Variants in ADAM12 observed in about 807,000 individuals in gnomAD.
The protein encoded by ADAM12 is disintegrin and metalloproteinase domain-containing protein 12.
Under a neutral mutation model 106.4 loss-of-function variants are expected in ADAM12, and 70 were observed. The ratio of observed to expected loss-of-function variants is 0.66; its 90% CI spans 0.54 to 0.80. The LOEUF (loss-of-function observed/expected upper bound fraction) is 0.80, where lower values mean the gene tolerates loss of function less well. ADAM12 is among the 30% of genes least tolerant of loss of function. The pLI is 0.00. For synonymous variants in ADAM12, 420 were observed against 433.5 expected, an observed-to-expected ratio of 0.97 and a Z score of 0.39; for missense variants, 1,010 against 1,171.9, an observed-to-expected ratio of 0.86 and a Z score of 2.02.
At chr10:126,111,948 T>C (rs901072192) in intron 6 of ADAM12, among the ~76,000 whole-genome samples, 1 of 152,172 alleles carries the variant, frequency 6.6e-6, no homozygotes, top group African/African-American at 2.4e-5. Flanking sequence ...ATTTGTGATA[T>C]GGAGAGCAAC....
chr10:126,260,145 T>A (rs921155461), intron 3 of ADAM12, among the ~76,000 whole-genome samples: 28 of 152,216 alleles, frequency 1.8e-4, no homozygotes, highest in Non-Finnish European at 3.8e-4. Flanking sequence ...ATTACCTACC[T>A]ACCCATGGCT....
chr10:126,078,419 C>T (rs575379378), intron 11 of ADAM12, among the ~76,000 whole-genome samples: 12 of 152,264 alleles, frequency 7.9e-5, no homozygotes, highest in Middle Eastern at 3.4e-3. Context: ...CTCCAAGGCC[C>T]ATATAATTCC....
intron 3 of ADAM12, among the ~76,000 whole-genome samples, chr10:126,230,061 T>C (rs1388085525): frequency 6.6e-6 from 1 of 152,174 alleles, no homozygotes; most frequent in African/African-American, 2.4e-5. Context: ...CCATTTTGGC[T>C]GAGCTGCAAC....
intron 3 of ADAM12, among the ~76,000 whole-genome samples, chr10:126,223,011 G>C (rs957712611): frequency 6.6e-6 from 1 of 152,190 alleles, no homozygotes; most frequent in Admixed American, 6.5e-5. Flanking sequence ...TTGTTCCTGC[G>C]TTCTTTGGAG....
intron 16 of ADAM12, among the ~76,000 whole-genome samples, chr10:126,047,204 C>T (rs1028468563): frequency 1.3e-5 from 2 of 152,146 alleles, no homozygotes; most frequent in African/African-American, 4.8e-5. Flanking sequence ...AAGAGTCTAA[C>T]GTTCAAATGG....
At chr10:126,039,709 C>T (rs532345952) in intron 18 of ADAM12, among the ~76,000 whole-genome samples, 6 of 152,232 alleles carry the variant, frequency 3.9e-5, no homozygotes, top group South Asian at 2.1e-4. Flanking sequence ...TTCCCTGAGG[C>T]GTGACAACGG....
At chr10:126,135,950 A>G (rs1956397700) in intron 4 of ADAM12, among the ~76,000 whole-genome samples, 1 of 152,236 alleles carries the variant, frequency 6.6e-6, no homozygotes, top group Admixed American at 6.5e-5. Context: ...TACAAAATCC[A>G]GCAGCAAAAC....
At chr10:126,136,831 T>A (rs1401652164) in intron 4 of ADAM12, among the ~76,000 whole-genome samples, 2 of 152,200 alleles carry the variant, frequency 1.3e-5, no homozygotes, top group Admixed American at 1.3e-4. Context: ...TATTATTCTG[T>A]TGAGCTTTTT....
At chr10:126,142,415 C>T (rs35607210) in intron 4 of ADAM12, among the ~76,000 whole-genome samples, 32,532 of 152,162 alleles carry the variant, frequency 0.21, 3,655 homozygotes, top group South Asian at 0.3. Flanking sequence ...ATGGGTTGGG[C>T]TACTTATCTG....
rs764364243 is a variant in ADAM12, at chr10:126,046,077, G to A, written c.1973C>T (p.Ala658Val). The stretch of plus-strand genomic sequence containing the variant: ...CACCCCTCTGCCGTGGCACTGCATT[G>A]CACACTCGTGAACCCCAAAGACACT... Reference protein sequence around the residue: ...NISVFGVHECAMQCHGRGVCN... With the variant: ...NISVFGVHECVMQCHGRGVCN... The change falls in exon 17 of 23, where the codon GCA becomes GTA. Residue 658 changes from alanine (A) to valine (V), a missense_variant. This residue lies in a region of ADAM12 where 615 missense variants were observed against 708.5 expected (regional missense o/e 0.87). Coordinates refer to ENST00000448723, the MANE Select transcript of ADAM12 (RefSeq NM_001288973.2). The A allele has an allele frequency of 6.2e-7, 1 of 1,614,166 alleles. No homozygotes were observed.
chr10:126,115,102 G>A (rs980088532), intron 6 of ADAM12, among the ~76,000 whole-genome samples: 2 of 152,202 alleles, frequency 1.3e-5, no homozygotes, highest in African/African-American at 4.8e-5. Flanking sequence ...CCAACTCGCT[G>A]TCCTATATGT....
chr10:126,243,489 A>ATGTGTGTGTGTGTGTGTGTGTGTGTG (rs57227903), intron 3 of ADAM12, among the ~76,000 whole-genome samples: 1 of 146,840 alleles, frequency 6.8e-6, no homozygotes, highest in Non-Finnish European at 1.5e-5. Flanking sequence ...GTGTGAGTGT[A>ATGTGTGTGTGTGTGTGTGTGTGTGTG]TGTGTGTGTG....
chr10:126,111,671 T>A lies in ADAM12; in HGVS notation c.604-1831A>T, dbSNP rs1955871082. On this transcript the variant is annotated intron_variant, in intron 6 of 22. Transcript: ENST00000448723. ...CATTTAGAAAATACACAATTCCAGA[T>A]AATAAAAACAAACATGTGAACACAA... is the stretch of plus-strand genomic sequence containing the variant. Among the ~76,000 whole-genome samples, 6 of 152,280 alleles carry A rather than the reference T, an allele frequency of 3.9e-5. No homozygotes were observed. In the South Asian group the frequency reaches 1.2e-3, roughly 32 times the overall value.
intron 9 of ADAM12, among the ~76,000 whole-genome samples, chr10:126,100,535 C>G (rs1405195602): frequency 7.0e-6 from 1 of 142,818 alleles, no homozygotes; most frequent in East Asian, 2.0e-4. Flanking sequence ...AACCCTGTCT[C>G]TACTAAAAAA....
chr10:126,018,049 T>C (rs1359007316), intron 22 of ADAM12, among the ~76,000 whole-genome samples: 1 of 152,244 alleles, frequency 6.6e-6, no homozygotes, highest in Non-Finnish European at 1.5e-5. Context: ...ATTTATGAAG[T>C]TGGGAATTAA....
chr10:126,362,923 GA>G, intron 1 of ADAM12, among the ~76,000 whole-genome samples: 1 of 152,196 alleles, frequency 6.6e-6, no homozygotes, highest in Admixed American at 6.5e-5. Context: ...TCAAATTCTT[GA>G]AGGAAATAAA....
At chr10:126,336,557 A>G (rs1386980629) in intron 1 of ADAM12, among the ~76,000 whole-genome samples, 1 of 152,218 alleles carries the variant, frequency 6.6e-6, no homozygotes, top group Admixed American at 6.5e-5. Context: ...CAAGCAGCTT[A>G]AAGGGCCTTC....
chr10:126,146,999 T>G (rs4962509), intron 4 of ADAM12, among the ~76,000 whole-genome samples: 1 of 152,026 alleles, frequency 6.6e-6, no homozygotes, highest in Non-Finnish European at 1.5e-5. Flanking sequence ...TAGTCCAAGC[T>G]GGTTGTAGAA....
intron 11 of ADAM12, among the ~76,000 whole-genome samples, chr10:126,092,220 C>T (rs1457385898): frequency 6.6e-6 from 1 of 152,138 alleles, no homozygotes; most frequent in Admixed American, 6.5e-5. Context: ...TGTATTTGTG[C>T]CCATCTGATG....
Sources: gnomAD v4.1 joint callset for allele counts (sites outside exome capture counted in the v4.1 genomes callset) on GRCh38, gnomAD v4.1.1 for gene constraint, gnomAD v4.1.1 regional missense constraint, MANE v1.5 for transcripts, NCBI Gene and HGNC (gene_info 2026-07-23, HGNC 2026-07-21) for gene names.